CACNB2: variants seen among roughly 807,000 people sequenced by gnomAD.
The protein encoded by CACNB2 is voltage-dependent L-type calcium channel subunit beta-2.
A neutral mutation model predicts 73.3 loss-of-function variants in CACNB2; 42 were observed. The observed-to-expected ratio is 0.57, with a 90% CI of 0.45 to 0.74. The LOEUF is 0.74. Ranked by LOEUF, CACNB2 falls within the 30% of genes least tolerant of loss-of-function variation. The probability of loss-of-function intolerance (pLI) is 0.00; values close to 1 mark genes in which losing one functional copy is unlikely to be tolerated. For missense variants in CACNB2, 940 were observed against 853.0 expected (o/e 1.10, Z -1.27); for synonymous variants, 348 against 310.3 (o/e 1.12, Z -1.28).
intron 7 of CACNB2, among the ~76,000 whole-genome samples, chr10:18,518,076 C>T (rs577194354): frequency 6.6e-6 from 1 of 152,174 alleles, no homozygotes; most frequent in Non-Finnish European, 1.5e-5. Flanking sequence ...AAAGCAGCAT[C>T]TCTTGCTTTA....
intron 2 of CACNB2, among the ~76,000 whole-genome samples, chr10:18,350,537 C>CT (rs1489467823): frequency 3.3e-5 from 5 of 152,148 alleles, no homozygotes; most frequent in African/African-American, 1.2e-4. Flanking sequence ...GAGCAGCCGA[C>CT]GTTCCCTCAG....
intron 2 of CACNB2, among the ~76,000 whole-genome samples, chr10:18,385,423 G>C (rs1437336636): frequency 4.1e-5 from 5 of 123,222 alleles, no homozygotes; most frequent in South Asian, 2.6e-4. Flanking sequence ...ATGTTCTAGA[G>C]CTAGCCTACA....
At chr10:18,148,399 A>G (rs560974149) in intron 1 of CACNB2, among the ~76,000 whole-genome samples, 1 of 152,328 alleles carries the variant, frequency 6.6e-6, no homozygotes, top group East Asian at 1.9e-4. Context: ...ATTTCATTAC[A>G]TATACTTTGC....
At chr10:18,536,917 G>GTAAT in intron 12 of CACNB2, among the ~76,000 whole-genome samples, 1 of 152,192 alleles carries the variant, frequency 6.6e-6, no homozygotes, top group East Asian at 1.9e-4. Flanking sequence ...CAATTTCTAA[G>GTAAT]TAATAAGTTA....
Position 18,249,334 on chromosome 10 carries a change from C to G in CACNB2, c.213+98359C>G, listed in dbSNP as rs144576329. ...CTTTGCTCCTACAATTATCTGTGAT[C>G]TCTGTTGAAGTGTCTTTTGTTTTTC... On this transcript the variant is annotated intron_variant, in intron 2 of 13. Coordinates refer to ENST00000324631, the MANE Select transcript of CACNB2 (RefSeq NM_201596.3). 7.2e-5 allele frequency among the ~76,000 whole-genome samples: 11 copies of G among 152,328 alleles called. No individual in the cohort carries two copies. In the East Asian group the frequency reaches 2.1e-3, roughly 29 times the overall value.
At chr10:18,213,295 G>T (rs1277905589) in intron 2 of CACNB2, among the ~76,000 whole-genome samples, 1 of 152,156 alleles carries the variant, frequency 6.6e-6, no homozygotes, top group Admixed American at 6.5e-5. Flanking sequence ...GTTTTCTCAC[G>T]TGTTAAGCTC....
intron 3 of CACNB2, among the ~76,000 whole-genome samples, chr10:18,474,760 A>T (rs1262234055): frequency 6.6e-6 from 1 of 151,834 alleles, no homozygotes; most frequent in Non-Finnish European, 1.5e-5. Flanking sequence ...CCAACAACAG[A>T]TGTGGGTTGT....
chr10:18,400,565 C>G (rs1014459550), intron 2 of CACNB2: 3 of 1,021,200 alleles, frequency 2.9e-6, no homozygotes, highest in Admixed American at 5.2e-5. Context: ...CCGCCTCCCC[C>G]CTCCCCCTCG....
At chr10:18,336,563 G>A (rs2132045759) in intron 2 of CACNB2, among the ~76,000 whole-genome samples, 1 of 152,106 alleles carries the variant, frequency 6.6e-6, no homozygotes, top group Non-Finnish European at 1.5e-5. Flanking sequence ...AGGCTGCAAT[G>A]AGCCAAGATC....
intron 2 of CACNB2, among the ~76,000 whole-genome samples, chr10:18,321,256 T>C (rs1248311744): frequency 6.6e-6 from 1 of 152,216 alleles, no homozygotes; most frequent in African/African-American, 2.4e-5. Flanking sequence ...CTGATGGCAT[T>C]TATTGATTAG....
chr10:18,470,702 A>T (rs1374835147), intron 3 of CACNB2, among the ~76,000 whole-genome samples: 1 of 151,898 alleles, frequency 6.6e-6, no homozygotes, highest in Non-Finnish European at 1.5e-5. Context: ...CTTTAAATTG[A>T]TTTTTCACAA....
intron 2 of CACNB2, among the ~76,000 whole-genome samples, chr10:18,171,515 A>G (rs1427774854): frequency 1.8e-5 from 2 of 109,956 alleles, no homozygotes; most frequent in East Asian, 6.9e-4. Flanking sequence ...CCCGGCTTTG[A>G]TAGCAGAAAA....
chr10:18,294,483 T>C (rs569820668), intron 2 of CACNB2, among the ~76,000 whole-genome samples: 3 of 152,150 alleles, frequency 2.0e-5, no homozygotes, highest in Non-Finnish European at 4.4e-5. Context: ...TCCAACATCA[T>C]AGAGCTTACA....
intron 2 of CACNB2, among the ~76,000 whole-genome samples, chr10:18,158,924 T>G (rs895481943): frequency 5.3e-5 from 8 of 152,166 alleles, no homozygotes; most frequent in African/African-American, 1.7e-4. Flanking sequence ...TAAGTACTGG[T>G]TATCAAAGTT....
intron 3 of CACNB2, among the ~76,000 whole-genome samples, chr10:18,446,452 C>T (rs12262789): frequency 0.024 from 3,724 of 152,074 alleles, 124 homozygotes; most frequent in South Asian, 0.13. Flanking sequence ...AGGGGCCTGA[C>T]ATGTTAAGGT....
In CACNB2 at chr10:18,177,465, C is replaced by CAAA. The variant is rs35967003; in HGVS notation, c.213+26505_213+26507dup. On this transcript the variant is annotated intron_variant, in intron 2 of 13. Transcript: ENST00000324631. ...TGAAACCCCGTCTCTATTAAAAATG[C>CAAA]AAAAAAAAAAAAAAAAATAGCTGGG... Among the ~76,000 whole-genome samples the CAAA allele has an allele frequency of 5.0e-3, 647 of 130,348 alleles. 5 individuals are homozygous for CAAA. The highest frequency in any genetic ancestry group is 0.017 in the Middle Eastern group (4 of 240). The allele number at this position is 130,348 out of a possible 152,430, so 85.5% of individuals were successfully genotyped here. A position where few individuals can be genotyped will look rare whatever the true frequency, so the allele number is the denominator to read the frequency against.
intron 2 of CACNB2, among the ~76,000 whole-genome samples, chr10:18,369,184 C>T (rs1010546069): frequency 4.6e-5 from 7 of 152,136 alleles, no homozygotes; most frequent in African/African-American, 1.7e-4. Flanking sequence ...CTAAGTCTTA[C>T]AGTAAAATTT....
At chr10:18,461,511 C>T (rs755266551) in intron 3 of CACNB2, among the ~76,000 whole-genome samples, 2 of 151,080 alleles carry the variant, frequency 1.3e-5, no homozygotes, top group Non-Finnish European at 2.9e-5. Context: ...GGTCCCCAAC[C>T]TTTTTGGCAC....
At chr10:18,195,859 T>A (rs190213982) in intron 2 of CACNB2, among the ~76,000 whole-genome samples, 1 of 152,308 alleles carries the variant, frequency 6.6e-6, no homozygotes, top group East Asian at 1.9e-4. Context: ...GTCATCAGAG[T>A]CAACTCTTTG....
Sources: gnomAD v4.1 joint callset for allele counts (sites outside exome capture counted in the v4.1 genomes callset) on GRCh38, gnomAD v4.1.1 for gene constraint, MANE v1.5 for transcripts, NCBI Gene and HGNC (gene_info 2026-07-23, HGNC 2026-07-21) for gene names.